The following TACC2 variants were observed in gnomAD, a reference collection of about 807,000 sequenced individuals.
TACC2 encodes transforming acidic coiled-coil-containing protein 2.
TACC2 carries 137 observed loss-of-function variants against 227.3 expected under a neutral mutation model. That is an observed-to-expected ratio of 0.60 (90% CI 0.52 to 0.69). The LOEUF is 0.69. TACC2 is among the 30% of genes least tolerant of loss of function. The pLI is 0.00. For synonymous variants in TACC2, 1,523 were observed against 1,487.5 expected (o/e 1.02, Z -0.55); for missense variants, 3,470 against 3,694.4 (o/e 0.94, Z 1.57).
chr10:122,199,504 T>A (rs11200469), intron 8 of TACC2, among the ~76,000 whole-genome samples: 3 of 152,062 alleles, frequency 2.0e-5, no homozygotes, highest in Admixed American at 6.5e-5. Flanking sequence ...CATCCCAGAA[T>A]CCAGCTGAGG....
intron 3 of TACC2, among the ~76,000 whole-genome samples, chr10:122,061,024 G>T (rs992675027): frequency 6.2e-5 from 1 of 16,154 alleles, no homozygotes; most frequent in Non-Finnish European, 2.9e-4. Context: ...AAAAAAGGGG[G>T]GGGGGCCAGG....
intron 6 of TACC2, among the ~76,000 whole-genome samples, chr10:122,143,033 C>T (rs146489053): frequency 5.9e-5 from 9 of 152,172 alleles, no homozygotes; most frequent in African/African-American, 2.2e-4. Flanking sequence ...GGCCACACTC[C>T]GTCTCTGAAA....
intron 5 of TACC2, among the ~76,000 whole-genome samples, chr10:122,101,926 C>G (rs1405528748): frequency 6.6e-6 from 1 of 151,866 alleles, no homozygotes; most frequent in Non-Finnish European, 1.5e-5. Flanking sequence ...GTCTCAGGTG[C>G]TTACCCGAGG....
chr10:122,148,884 A>C (rs1592620267), intron 7 of TACC2, among the ~76,000 whole-genome samples: 2 of 152,322 alleles, frequency 1.3e-5, no homozygotes, highest in Middle Eastern at 3.4e-3. Flanking sequence ...GGAAGGAGAG[A>C]GAGCTTCAAG....
At position 122,084,908 on chromosome 10, in the gene TACC2, A is replaced by C; in HGVS notation, c.2408A>C (p.Gln803Pro). ...LTALILDQDQ[Q>P]GIPSCPGEGW... Reference sequence around the variant, plus strand: ...GCACTCATCCTGGACCAAGATCAGCAGGGAATCCCATCCTGCCCAGGGGAA... The same window carrying C: ...GCACTCATCCTGGACCAAGATCAGCCGGGAATCCCATCCTGCCCAGGGGAA... Residue 803 changes from glutamine to proline, a missense_variant, in exon 4 of 23, where the codon CAG (glutamine) becomes CCG (proline). Around this residue, in one of 10 missense-constraint regions of TACC2, gnomAD observed 1,924 missense variants for 1,978.3 expected, o/e 0.97. Transcript: ENST00000369005. The C allele has an allele frequency of 1.2e-6, 2 of 1,614,112 alleles. No individual in the cohort carries two copies. Among genetic ancestry groups the C allele is most frequent in the African/African-American group, 1.3e-5 (1 of 75,054 alleles).
intron 7 of TACC2, among the ~76,000 whole-genome samples, chr10:122,187,718 T>C (rs1314229087): frequency 6.6e-6 from 1 of 152,108 alleles, no homozygotes; most frequent in Non-Finnish European, 1.5e-5. Context: ...CTGGAACTCC[T>C]GATCTCAGGT....
Position 122,085,966 on chromosome 10 carries a change from AGTT to A in TACC2, c.3469_3471del (p.Cys1157del), listed in dbSNP as rs2080055130. The A allele has an allele frequency of 1.2e-6, 2 of 1,613,850 alleles. No individual in the cohort carries two copies. The highest frequency in any genetic ancestry group is 8.5e-7 in the Non-Finnish European group (1 of 1,179,944). ...GGAGAAACCTGGAGAAGCTACTTTG[AGTT>A]GTGGCCTCCTTCAGACTGAGCACTG... is the stretch of plus-strand genomic sequence containing the variant. On this transcript the variant is annotated inframe_deletion, in exon 4 of 23. Transcript: ENST00000369005.
intron 2 of TACC2, chr10:122,022,870 T>C (rs550016870): frequency 6.6e-6 from 1 of 152,362 alleles, no homozygotes; most frequent in Admixed American, 6.5e-5. Context: ...TCATTATCTA[T>C]TTTAAGTTTG....
intron 7 of TACC2, among the ~76,000 whole-genome samples, chr10:122,183,382 C>T (rs2094047257): frequency 6.6e-6 from 1 of 152,060 alleles, no homozygotes; most frequent in South Asian, 2.1e-4. Context: ...TGCCCTTTGC[C>T]CAGGATGTGA....
chr10:122,208,299 A>G (rs2140981910), intron 8 of TACC2, among the ~76,000 whole-genome samples: 1 of 152,296 alleles, frequency 6.6e-6, no homozygotes, highest in Middle Eastern at 3.4e-3. Context: ...GTGACCAGTC[A>G]AGGGGGAAAC....
chr10:122,022,265 A>C, intron 2 of TACC2: 1 of 418,090 alleles, frequency 2.4e-6, no homozygotes. Context: ...TTTTAAAGAC[A>C]TGGTCTTGCT....
intron 5 of TACC2, among the ~76,000 whole-genome samples, chr10:122,108,379 G>A (rs886778805): frequency 8.7e-5 from 12 of 137,990 alleles, no homozygotes; most frequent in African/African-American, 2.5e-4. Context: ...ATGCGCGCGC[G>A]CTCTCTCTTT....
chr10:122,198,241 C>T (rs2094644364), intron 8 of TACC2, among the ~76,000 whole-genome samples: 3 of 152,186 alleles, frequency 2.0e-5, no homozygotes, highest in African/African-American at 7.2e-5. Context: ...GGACCACACT[C>T]CTGAGGCAGA....
At chr10:122,067,760 C>A (rs1057241022) in intron 3 of TACC2, among the ~76,000 whole-genome samples, 4 of 152,214 alleles carry the variant, frequency 2.6e-5, no homozygotes, top group Non-Finnish European at 5.9e-5. Flanking sequence ...CCCGCCTTGG[C>A]CTCCCAAAAT....
chr10:122,211,129 C>T lies in TACC2; in HGVS notation c.6704C>T (p.Pro2235Leu), dbSNP rs1363135915. 4.3e-6 allele frequency: 7 copies of T among 1,609,238 alleles called. No individual in the cohort carries two copies. Among genetic ancestry groups the T allele is most frequent in the Non-Finnish European group, 5.9e-6 (7 of 1,178,150 alleles). ...CCCCCTGTCGGGAGGAAAACGCTGC[C>T]TCTTACCACGGCCCCGGAGGCAGGG... Reference protein sequence around the residue: ...NSPPVGRKTLPLTTAPEAGEV... With the variant: ...NSPPVGRKTLLLTTAPEAGEV... The change falls in exon 9 of 23, where the codon CCT becomes CTT. Residue 2235 changes from proline to leucine, a missense_variant. Coordinates refer to ENST00000369005, the MANE Select transcript of TACC2 (RefSeq NM_206862.4).
chr10:122,142,678 C>G (rs954004267), intron 6 of TACC2, among the ~76,000 whole-genome samples: 3 of 152,224 alleles, frequency 2.0e-5, no homozygotes, highest in Admixed American at 2.0e-4. Context: ...CGCCACAAAC[C>G]CCAGCTACCA....
In TACC2 at chr10:122,077,214, T is replaced by C. The variant is rs113204089; in HGVS notation, c.147-5433T>C. Among the ~76,000 whole-genome samples, 13 of 152,206 alleles carry C rather than the reference T, an allele frequency of 8.5e-5. 2 individuals carry two copies. Among genetic ancestry groups the C allele is most frequent in the African/African-American group, 3.1e-4 (13 of 41,532 alleles). On this transcript the variant is annotated intron_variant, in intron 3 of 22. Coordinates refer to ENST00000369005, the MANE Select transcript of TACC2 (RefSeq NM_206862.4). ...TTTAGTATCCTTGATTTGGGTTCAG[T>C]TGTTTCTGTCCATCCTTCTAGCCAT...
At chr10:122,190,471 G>T (rs1033989476) in intron 7 of TACC2, among the ~76,000 whole-genome samples, 1 of 152,120 alleles carries the variant, frequency 6.6e-6, no homozygotes, top group Non-Finnish European at 1.5e-5. Flanking sequence ...CGAGGAGCTC[G>T]GCAGGGTCCT....
chr10:122,249,243 G>A (rs971597591), intron 21 of TACC2, 87 bp downstream of exon 21: 1 of 1,013,028 alleles, frequency 9.9e-7, no homozygotes, highest in Non-Finnish European at 1.5e-6. Flanking sequence ...CAGCGCCTGT[G>A]ACATTGGCTT....
Sources: allele counts gnomAD v4.1 joint callset (sites outside exome capture counted in the v4.1 genomes callset), GRCh38; gene constraint gnomAD v4.1.1; regional missense constraint gnomAD v4.1.1; transcripts MANE v1.5; gene names NCBI Gene and HGNC (gene_info 2026-07-23, HGNC 2026-07-21).